Variants in DNAH5 observed in about 807,000 individuals in gnomAD.
DNAH5 encodes dynein axonemal heavy chain 5.
In DNAH5, 372 loss-of-function variants were observed where a neutral mutation model predicts 518.2. That is an observed-to-expected ratio of 0.72 (90% CI 0.66 to 0.78). The LOEUF is 0.78. DNAH5 is among the 30% of genes least tolerant of loss of function. DNAH5 has a pLI of 0.00. For synonymous variants in DNAH5, 2,039 were observed against 2,025.9 expected (o/e 1.01, Z -0.17); for missense variants, 5,523 against 5,687.0 (o/e 0.97, Z 0.93).
chr5:13,708,357 C>T (rs764777600), intron 75 of DNAH5, 22 bp from the exon 76 acceptor site: 37 of 1,611,948 alleles, frequency 2.3e-5, no homozygotes, highest in South Asian at 3.3e-5. Flanking sequence ...ACATTCAAAG[C>T]ACATGTTAAC....
chr5:13,806,516 T>G (rs887917591), intron 47 of DNAH5, among the ~76,000 whole-genome samples: 3 of 152,234 alleles, frequency 2.0e-5, no homozygotes, highest in Non-Finnish European at 4.4e-5. Context: ...TCTGATATTT[T>G]CATTCCAACA....
chr5:13,937,592 C>T (rs1169975140), intron 1 of DNAH5, among the ~76,000 whole-genome samples: 5 of 151,894 alleles, frequency 3.3e-5, no homozygotes, highest in Non-Finnish European at 1.5e-5. Context: ...CGACATCATA[C>T]TGCATATACC....
chr5:13,968,284 C>G (rs1327476230), intron 1 of DNAH5, among the ~76,000 whole-genome samples: 1 of 152,140 alleles, frequency 6.6e-6, no homozygotes, highest in Non-Finnish European at 1.5e-5. Flanking sequence ...TTCCTTTTTA[C>G]TGATTTGGAT....
chr5:13,852,863 G>A (rs928281072), intron 30 of DNAH5, among the ~76,000 whole-genome samples: 7 of 152,222 alleles, frequency 4.6e-5, no homozygotes, highest in Admixed American at 1.3e-4. Flanking sequence ...AAAGGCAGCA[G>A]CCTCAGTCAA....
chr5:13,941,676 G>A (rs1371898671), intron 1 of DNAH5, among the ~76,000 whole-genome samples: 1 of 152,220 alleles, frequency 6.6e-6, no homozygotes, highest in African/African-American at 2.4e-5. Flanking sequence ...GCGGGAGAGG[G>A]AGGTGTGCTC....
intron 4 of DNAH5, among the ~76,000 whole-genome samples, chr5:13,922,567 A>G (rs970996682): frequency 6.6e-6 from 1 of 151,882 alleles, no homozygotes; most frequent in African/African-American, 2.4e-5. Flanking sequence ...TCTCTACTAA[A>G]CATACAAAAA....
In DNAH5 at chr5:13,735,322, C is replaced by G. The variant is rs1481337703; in HGVS notation, c.11571-1G>C. 6.2e-7 allele frequency: 1 copy of G among 1,613,728 alleles called. No individual in the cohort carries two copies. Among genetic ancestry groups the G allele is most frequent in the Non-Finnish European group, 8.5e-7 (1 of 1,179,826 alleles). ...GCTTGTAATCGGGCTCTTGACAGAC[C>G]TGGTGAATAGAATATTTAAATCAGG... is the stretch of plus-strand genomic sequence containing the variant. On this transcript the variant is annotated splice_acceptor_variant, in intron 67 of 78. Coordinates refer to ENST00000265104, the MANE Select transcript of DNAH5 (RefSeq NM_001369.3). LOFTEE classifies it high-confidence loss of function.
At chr5:13,964,666 C>T (rs1387737951) in intron 1 of DNAH5, among the ~76,000 whole-genome samples, 1 of 152,220 alleles carries the variant, frequency 6.6e-6, no homozygotes, top group African/African-American at 2.4e-5. Context: ...AGGCCCTGAA[C>T]CATGGCAGTG....
At chr5:13,752,856 G>A (rs1218306940) in intron 63 of DNAH5, among the ~76,000 whole-genome samples, 1 of 152,134 alleles carries the variant, frequency 6.6e-6, no homozygotes, top group African/African-American at 2.4e-5. Flanking sequence ...GCTCTGTGTG[G>A]GAACAATGTT....
intron 1 of DNAH5, among the ~76,000 whole-genome samples, chr5:13,938,258 C>T (rs10052735): frequency 0.4 from 60,443 of 151,666 alleles, 13,332 homozygotes; most frequent in East Asian, 0.7. Flanking sequence ...GGTCCCCCTG[C>T]TATACCATCA....
At position 13,919,106 on chromosome 5, in the gene DNAH5, C is replaced by T; in HGVS notation, c.975+70G>A. On this transcript the variant is annotated intron_variant, in intron 7 of 78. Transcript: ENST00000265104. Reference sequence around the variant, plus strand: ...TAACATTTTTTTGTTCCTAATCACTCTATGCCTTGAAAATATGCATAGAGA... The same window carrying T: ...TAACATTTTTTTGTTCCTAATCACTTTATGCCTTGAAAATATGCATAGAGA... 7 of 1,590,458 alleles carry T rather than the reference C, an allele frequency of 4.4e-6. No individual in the cohort carries two copies. In the South Asian group the frequency reaches 7.7e-5, roughly 18 times the overall value.
At chr5:13,917,094 T>C in intron 8 of DNAH5, 49 bp downstream of exon 8, 1 of 1,387,794 alleles carries the variant, frequency 7.2e-7, no homozygotes, top group Non-Finnish European at 1.0e-6. Flanking sequence ...ATTCAGCTAG[T>C]GCAAAAAGGG....
intron 70 of DNAH5, among the ~76,000 whole-genome samples, chr5:13,723,538 A>C (rs1745326793): frequency 6.6e-6 from 1 of 152,260 alleles, no homozygotes; most frequent in African/African-American, 2.4e-5. Context: ...ACATGTTAGA[A>C]TACTATGGGG....
rs1201926393 is a variant in DNAH5 at position 13,753,527 on chromosome 5, A to T, written c.10578T>A (p.Ala3526=). The stretch of plus-strand genomic sequence containing the variant: ...TAAATGGACCAGAATAAGATAGAAA[A>T]GCTGTAGCCAACAGTACATCCCCTA... ...RLVGDVLLAT[A]FLSYSGPFNQ... Residue 3526 remains alanine, a synonymous_variant, in exon 63 of 79, where the codon GCT becomes GCA. Transcript: ENST00000265104. 6.2e-7 allele frequency: 1 copy of T among 1,613,760 alleles called. No homozygotes were observed.
intron 3 of DNAH5, among the ~76,000 whole-genome samples, chr5:13,925,879 A>AG (rs1165069991): frequency 6.6e-6 from 1 of 152,188 alleles, no homozygotes; most frequent in African/African-American, 2.4e-5. Context: ...TGCCCAGGAC[A>AG]GGGGGGTTTG....
At chr5:13,745,999 C>A (rs907171932) in intron 65 of DNAH5, among the ~76,000 whole-genome samples, 3 of 151,898 alleles carry the variant, frequency 2.0e-5, no homozygotes, top group African/African-American at 7.3e-5. Context: ...AAGATTGAAT[C>A]TTAATACAAT....
intron 55 of DNAH5, among the ~76,000 whole-genome samples, chr5:13,775,726 G>T (rs891794420): frequency 6.6e-6 from 1 of 152,128 alleles, no homozygotes; most frequent in Non-Finnish European, 1.5e-5. Flanking sequence ...TAGAAGTGGG[G>T]AGTAAGAGGA....
chr5:13,904,944 T>C (rs1775103598), intron 12 of DNAH5, among the ~76,000 whole-genome samples: 2 of 150,782 alleles, frequency 1.3e-5, no homozygotes, highest in Admixed American at 6.6e-5. Flanking sequence ...AAGAAAGAAA[T>C]AGTAGGAAGT....
chr5:13,810,248 C>T lies in DNAH5; in HGVS notation c.7420G>A (p.Glu2474Lys), dbSNP rs776559491. 6.5e-7 allele frequency: 1 copy of T among 1,550,278 alleles called. No individual in the cohort carries two copies. The highest frequency in any genetic ancestry group is 8.7e-7 in the Non-Finnish European group (1 of 1,146,764). Residue 2474 changes from glutamate (E) to lysine (K), a missense_variant, in exon 45 of 79, where the codon GAG becomes AAG. Around this residue, in one of 3 missense-constraint regions of DNAH5, gnomAD observed 5,121 missense variants for 5,223.3 expected, o/e 0.98. Coordinates refer to ENST00000265104, the MANE Select transcript of DNAH5 (RefSeq NM_001369.3). Reference protein sequence around the residue: ...GLIPLKEQGGEVSQAHLGRLF... With the variant: ...GLIPLKEQGGKVSQAHLGRLF... ...CGCCCCAGGTGAGCCTGGCTCACCTCCCCGCCTTGCTCCTGAGAAGGAAAG... is the reference window on the plus strand; with the variant it reads ...CGCCCCAGGTGAGCCTGGCTCACCTTCCCGCCTTGCTCCTGAGAAGGAAAG...
Sources: gnomAD v4.1 joint callset for allele counts (sites outside exome capture counted in the v4.1 genomes callset) on GRCh38, gnomAD v4.1.1 for gene constraint, gnomAD v4.1.1 regional missense constraint, MANE v1.5 for transcripts, NCBI Gene and HGNC (gene_info 2026-07-23, HGNC 2026-07-21) for gene names.